The following NFATC3 variants were observed in gnomAD, a reference collection of about 807,000 sequenced individuals.
The protein encoded by NFATC3 is nuclear factor of activated T cells 3, also known as nuclear factor of activated T-cells, cytoplasmic 3.
In NFATC3, 46 loss-of-function variants were observed where a neutral mutation model predicts 98.6. The observed-to-expected ratio is 0.47, with a 90% CI of 0.37 to 0.60. The LOEUF (loss-of-function observed/expected upper bound fraction) is 0.60. Among genes scored for constraint, NFATC3 ranks in the 20% least tolerant of loss-of-function variants. The pLI, the probability that NFATC3 is intolerant of heterozygous loss-of-function variation, is 0.00. For synonymous variants in NFATC3, 512 were observed against 472.2 expected (o/e 1.08, Z -1.09); for missense variants, 1,256 against 1,295.5 (o/e 0.97, Z 0.47).
chr16:68,157,419 T>C (rs2038677067), intron 3 of NFATC3, among the ~76,000 whole-genome samples: 2 of 152,188 alleles, frequency 1.3e-5, no homozygotes, highest in African/African-American at 4.8e-5. Flanking sequence ...AAATTGTAAG[T>C]TTATAATATA....
At chr16:68,170,314 C>CT (rs2151603708) in intron 5 of NFATC3, among the ~76,000 whole-genome samples, 1 of 146,982 alleles carries the variant, frequency 6.8e-6, no homozygotes, top group South Asian at 2.2e-4. Context: ...TCACTTGAAC[C>CT]TGGGAGGCTG....
At chr16:68,089,342 T>G in intron 1 of NFATC3, 1 of 945,818 alleles carries the variant, frequency 1.1e-6, no homozygotes, top group South Asian at 4.9e-5. Context: ...CATTTGTGAC[T>G]GACGACTGAC....
At chr16:68,102,774 C>G (rs1327432334) in intron 1 of NFATC3, among the ~76,000 whole-genome samples, 1 of 152,184 alleles carries the variant, frequency 6.6e-6, no homozygotes, top group East Asian at 1.9e-4. Context: ...CCATCAAACT[C>G]TTTTCTACAG....
intron 3 of NFATC3, among the ~76,000 whole-genome samples, chr16:68,134,549 T>C (rs958627892): frequency 1.2e-4 from 18 of 152,088 alleles, no homozygotes; most frequent in Admixed American, 7.2e-4. Context: ...TTATACTTTT[T>C]CCCCCCTTTT....
chr16:68,169,979 G>A (rs1182513739), intron 5 of NFATC3, among the ~76,000 whole-genome samples: 1 of 152,020 alleles, frequency 6.6e-6, no homozygotes, highest in Admixed American at 6.6e-5. Flanking sequence ...GGAGAAAGGT[G>A]GGATGTAGAG....
chr16:68,213,433 TAAATAAAAATTAAAAA>T (rs965863396), intron 9 of NFATC3, among the ~76,000 whole-genome samples: 51 of 147,216 alleles, frequency 3.5e-4, no homozygotes, highest in Admixed American at 6.1e-4. Context: ...AATAAATAAA[TAAATAAAAATTAAAAA>T]AAATAAAAAT....
chr16:68,120,723 A>T (rs1434498459), intron 1 of NFATC3, among the ~76,000 whole-genome samples: 1 of 148,128 alleles, frequency 6.8e-6, no homozygotes, highest in Admixed American at 6.8e-5. Flanking sequence ...ACAGAGCAAG[A>T]CTCCATCTCA....
In NFATC3 at chr16:68,228,141, A is replaced by T. The variant is rs1163562726; in HGVS notation, c.*1670A>T. ...ATGAGGAAGTATGGTCTTTAAAAAA[A>T]ACAAAATATATTTTAGATTTCTCCC... On this transcript the variant is annotated 3_prime_UTR_variant, in exon 10 of 10. Transcript: ENST00000346183. 5.3e-5 allele frequency: 8 copies of T among 152,244 alleles called. No individual in the cohort carries two copies. Among genetic ancestry groups the T allele is most frequent in the African/African-American group, 1.9e-4 (8 of 41,462 alleles). The allele number at this position is 152,244 out of a possible 1,614,324, so 9.4% of individuals were successfully genotyped here. A position where few individuals can be genotyped will look rare whatever the true frequency, so the allele number is the denominator to read the frequency against.
chr16:68,172,138 A>G (rs1030980109), intron 5 of NFATC3, among the ~76,000 whole-genome samples: 3 of 152,128 alleles, frequency 2.0e-5, no homozygotes, highest in Non-Finnish European at 4.4e-5. Flanking sequence ...TGGCCCACGT[A>G]GGCATCTTCT....
intron 8 of NFATC3, among the ~76,000 whole-genome samples, chr16:68,188,715 T>C (rs1199650819): frequency 2.0e-5 from 3 of 152,230 alleles, no homozygotes; most frequent in Admixed American, 6.5e-5. Context: ...TTTTAAATTT[T>C]ATTTTTGTTT....
At chr16:68,224,253 C>T (rs917260674) in intron 9 of NFATC3, among the ~76,000 whole-genome samples, 8 of 148,924 alleles carry the variant, frequency 5.4e-5, no homozygotes, top group Non-Finnish European at 1.2e-4. Flanking sequence ...ATGTTCAGTA[C>T]TAACCACAGC....
Position 68,190,996 on chromosome 16 carries a change from A to G in NFATC3, c.2327A>G (p.Lys776Arg), listed in dbSNP as rs749754401. The part of the protein sequence containing the change: ...QLQCRDESVS[K>R]EQHMIPSPIV... ...CAGTGTAGAGATGAGAGTGTTAGTAAAGAACAGCATATGATTCCTTCTCCA... is the reference window on the plus strand; with the variant it reads ...CAGTGTAGAGATGAGAGTGTTAGTAGAGAACAGCATATGATTCCTTCTCCA... The change falls in exon 9 of 10, where the codon AAA becomes AGA. Residue 776 changes from lysine (K) to arginine (R), a missense_variant. Around this residue, in one of 3 missense-constraint regions of NFATC3, gnomAD observed 636 missense variants for 617.3 expected, o/e 1.03. Transcript: ENST00000346183. 1 of 1,614,204 alleles carries G rather than the reference A, an allele frequency of 6.2e-7. No individual in the cohort carries two copies. Among genetic ancestry groups the G allele is most frequent in the Admixed American group, 1.7e-5 (1 of 60,018 alleles).
chr16:68,166,940 G>A lies in NFATC3; in HGVS notation c.1699G>A (p.Val567Met), dbSNP rs184095938. The A allele has an allele frequency of 1.9e-6, 3 of 1,614,184 alleles. No individual in the cohort carries two copies. The highest frequency in any genetic ancestry group is 1.3e-5 in the African/African-American group (1 of 75,070). ...IGRKNTRVRL[V>M]FRVHIPQPSG... ...CAGAAAGAATACTAGAGTACGACTT[G>A]TGTTTCGTGTACACATCCCACAGCC... is the stretch of plus-strand genomic sequence containing the variant. The change falls in exon 5 of 10, where the codon GTG (valine) becomes ATG (methionine). Residue 567 changes from valine to methionine, a missense_variant. By Grantham distance (21) the Val-to-Met change is conservative. Coordinates refer to ENST00000346183, the MANE Select transcript of NFATC3 (RefSeq NM_173165.3).
chr16:68,113,991 A>G (rs2036127480), intron 1 of NFATC3, among the ~76,000 whole-genome samples: 1 of 152,156 alleles, frequency 6.6e-6, no homozygotes, highest in Non-Finnish European at 1.5e-5. Context: ...GGAACTTGGT[A>G]GTCTTAGGCA....
At position 68,226,583 on chromosome 16, in the gene NFATC3, A is replaced by C. The variant is rs746119665; in HGVS notation, c.*112A>C. On this transcript the variant is annotated 3_prime_UTR_variant, in exon 10 of 10. Transcript: ENST00000346183. ...AGGTCTGGGGCCAGGAGTGGGACCC[A>C]CCATTTGTGGGGAAAGTAGCATTCC... The C allele has an allele frequency of 3.7e-4, 467 of 1,269,150 alleles. No individual in the cohort carries two copies. The highest frequency in any genetic ancestry group is 4.7e-4 in the Non-Finnish European group (448 of 962,354). The allele number at this position is 1,269,150 out of a possible 1,614,324, so 78.6% of individuals were successfully genotyped here.
intron 1 of NFATC3, among the ~76,000 whole-genome samples, chr16:68,103,132 A>G (rs1486436358): frequency 1.3e-5 from 2 of 149,432 alleles, no homozygotes; most frequent in Non-Finnish European, 3.0e-5. Context: ...AGATTTACAG[A>G]TATTTTTTCC....
At chr16:68,099,986 T>C (rs1320852951) in intron 1 of NFATC3, among the ~76,000 whole-genome samples, 1 of 152,032 alleles carries the variant, frequency 6.6e-6, no homozygotes, top group Non-Finnish European at 1.5e-5. Flanking sequence ...ATGTGACCAT[T>C]TGAGGTTGAC....
At chr16:68,093,589 G>A (rs1423145567) in intron 1 of NFATC3, among the ~76,000 whole-genome samples, 2 of 152,064 alleles carry the variant, frequency 1.3e-5, no homozygotes, top group African/African-American at 4.8e-5. Context: ...GTAACTTTTT[G>A]TTTGTGATAC....
At chr16:68,155,955 A>G (rs1461028505) in intron 3 of NFATC3, among the ~76,000 whole-genome samples, 1 of 152,204 alleles carries the variant, frequency 6.6e-6, no homozygotes, top group Non-Finnish European at 1.5e-5. Flanking sequence ...CCTTGAGGAA[A>G]AGGTGGATTC....
Sources: allele counts gnomAD v4.1 joint callset (sites outside exome capture counted in the v4.1 genomes callset), GRCh38; gene constraint gnomAD v4.1.1; regional missense constraint gnomAD v4.1.1; transcripts MANE v1.5; gene names NCBI Gene and HGNC (gene_info 2026-07-23, HGNC 2026-07-21).